The following SCAP variants were observed in gnomAD, a reference collection of about 807,000 sequenced individuals.
SCAP encodes sterol regulatory element-binding protein cleavage-activating protein.
Under a neutral mutation model 123.6 loss-of-function variants are expected in SCAP, and 65 were observed. That is an observed-to-expected ratio of 0.53 (90% CI 0.43 to 0.65). The LOEUF (loss-of-function observed/expected upper bound fraction) is 0.65, where lower values mean the gene tolerates loss of function less well. SCAP is among the 30% of genes least tolerant of loss of function. SCAP has a pLI of 0.00. For synonymous variants in SCAP, 740 were observed against 726.3 expected (o/e 1.02, Z -0.30); for missense variants, 1,398 against 1,712.5 (o/e 0.82, Z 3.24).
At chr3:47,418,562 G>C in intron 14 of SCAP, 40 bp from the exon 15 acceptor site, 1 of 1,560,016 alleles carries the variant, frequency 6.4e-7, no homozygotes, top group African/African-American at 1.4e-5. Flanking sequence ...ACACCTCACA[G>C]CCTGTCCCCT....
At chr3:47,474,188 C>T (rs1048148249) in intron 1 of SCAP, among the ~76,000 whole-genome samples, 2 of 151,874 alleles carry the variant, frequency 1.3e-5, no homozygotes, top group East Asian at 1.9e-4. Flanking sequence ...TCGCTTGAAC[C>T]CGGCAGGCGG....
chr3:47,442,836 C>G, intron 2 of SCAP, 36 bp downstream of exon 2: 1 of 1,595,044 alleles, frequency 6.3e-7, no homozygotes, highest in East Asian at 2.2e-5. Context: ...TCCTAAGACA[C>G]TGGCCCACCA....
At chr3:47,453,827 T>C (rs994903862) in intron 1 of SCAP, among the ~76,000 whole-genome samples, 2 of 152,058 alleles carry the variant, frequency 1.3e-5, no homozygotes, top group Non-Finnish European at 2.9e-5. Context: ...GGCTCTCTCT[T>C]TACTGAATGC....
intron 1 of SCAP, among the ~76,000 whole-genome samples, chr3:47,473,681 C>G (rs1682674197): frequency 6.6e-6 from 1 of 152,200 alleles, no homozygotes; most frequent in African/African-American, 2.4e-5. Flanking sequence ...GAGGCACATT[C>G]ACATGCATGG....
chr3:47,426,679 C>T (rs1228926072), intron 6 of SCAP, among the ~76,000 whole-genome samples: 5 of 152,284 alleles, frequency 3.3e-5, no homozygotes, highest in African/African-American at 9.6e-5. Flanking sequence ...CCTCATGATC[C>T]GCCTGCCTCG....
intron 21 of SCAP, 51 bp downstream of exon 21, chr3:47,414,521 A>G: frequency 6.2e-7 from 1 of 1,609,536 alleles, no homozygotes; most frequent in Non-Finnish European, 8.5e-7. Flanking sequence ...AGGAGTCAGC[A>G]AACATGGGCC....
intron 3 of SCAP, among the ~76,000 whole-genome samples, chr3:47,432,314 G>GAAAAA (rs11308011): frequency 7.9e-5 from 6 of 75,650 alleles, no homozygotes; most frequent in African/African-American, 2.0e-4. Flanking sequence ...ACTCCGTCTT[G>GAAAAA]AAAAAAAAAA....
At chr3:47,428,443 A>G (rs956704140) in intron 4 of SCAP, 70 bp downstream of exon 4, 16 of 1,515,900 alleles carry the variant, frequency 1.1e-5, no homozygotes, top group Admixed American at 1.8e-5. Context: ...CTGCAGTTAC[A>G]CTGAGGACTG....
chr3:47,419,346 T>A lies in SCAP; in HGVS notation c.1922A>T (p.Asn641Ile), dbSNP rs764720864. ...RHWPTLFSYY[N>I]ITLAKRYISL... is the part of the protein sequence containing the mutation. ...AGCTCACCTCTTGGCCAGTGTGATGTTGTAATAGCTGAAGAGCGTCGGCCA... is the reference window on the plus strand; with the variant it reads ...AGCTCACCTCTTGGCCAGTGTGATGATGTAATAGCTGAAGAGCGTCGGCCA... Residue 641 changes from asparagine (N) to isoleucine (I), a missense_variant, in exon 13 of 23, where the codon AAC becomes ATC. Coordinates refer to ENST00000265565, the MANE Select transcript of SCAP (RefSeq NM_012235.4). This position sits in a 1 kb window ranked among gnomAD's most constrained non-coding sequence, Gnocchi z 5.0. 6.2e-7 allele frequency: 1 copy of A among 1,612,092 alleles called. No individual in the cohort carries two copies.
chr3:47,433,588 C>G (rs992170395), intron 3 of SCAP, among the ~76,000 whole-genome samples: 1 of 152,174 alleles, frequency 6.6e-6, no homozygotes, highest in African/African-American at 2.4e-5. Flanking sequence ...TAATGAAGTC[C>G]GGACACAATG....
At chr3:47,430,368 C>G (rs115028044) in intron 3 of SCAP, among the ~76,000 whole-genome samples, 199 of 152,308 alleles carry the variant, frequency 1.3e-3, no homozygotes, top group African/African-American at 4.6e-3. Context: ...ATGCAACCCT[C>G]AGTAACAGGC....
intron 3 of SCAP, among the ~76,000 whole-genome samples, chr3:47,431,625 G>C (rs1706362182): frequency 6.6e-6 from 1 of 152,120 alleles, no homozygotes; most frequent in African/African-American, 2.4e-5. Flanking sequence ...GGATTTGTCT[G>C]ATGTTTTACT....
rs550447495 is a variant in SCAP at position 47,432,669 on chromosome 3, A to T, written c.252+2339T>A. ...CCGAGTCTCCTATTTTCCCTTTTTT[A>T]AAATTTATTTATTTTTTATTTTTTT... On this transcript the variant is annotated intron_variant, in intron 3 of 22. Coordinates refer to ENST00000265565, the MANE Select transcript of SCAP (RefSeq NM_012235.4). Among the ~76,000 whole-genome samples, 149 of 152,154 alleles carry T rather than the reference A, an allele frequency of 9.8e-4. 1 individual carries two copies. The South Asian group carries it at 0.015, about 15-fold the overall frequency.
At chr3:47,465,708 G>A (rs1462227315) in intron 1 of SCAP, among the ~76,000 whole-genome samples, 1 of 151,866 alleles carries the variant, frequency 6.6e-6, no homozygotes, top group Non-Finnish European at 1.5e-5. Context: ...GCTCAAGGCT[G>A]TAGTGAGCAG....
chr3:47,422,385 T>TG (rs1705940697), intron 10 of SCAP, 57 bp downstream of exon 10: 6 of 1,487,168 alleles, frequency 4.0e-6, no homozygotes, highest in Admixed American at 1.7e-5. Flanking sequence ...GCTGCACAGC[T>TG]GGGGAGCACA....
Position 47,435,154 on chromosome 3 carries a change from G to A in SCAP, c.123-17C>T. On this transcript the variant is annotated splice_polypyrimidine_tract_variant and intron_variant, in intron 2 of 22. Coordinates refer to ENST00000265565, the MANE Select transcript of SCAP (RefSeq NM_012235.4). ...AGTGGGTAGCTGGGATGTACAAAAAGGAGATAAGAATTAGACACTATGAGA... is the reference window on the plus strand; with the variant it reads ...AGTGGGTAGCTGGGATGTACAAAAAAGAGATAAGAATTAGACACTATGAGA... 6.2e-7 allele frequency: 1 copy of A among 1,609,506 alleles called. No homozygotes were observed. Among genetic ancestry groups the A allele is most frequent in the East Asian group, 2.2e-5 (1 of 44,842 alleles).
intron 10 of SCAP, among the ~76,000 whole-genome samples, chr3:47,422,211 T>C (rs1037108397): frequency 6.6e-6 from 1 of 152,254 alleles, no homozygotes; most frequent in African/African-American, 2.4e-5. Context: ...AGAGTCTGCC[T>C]GGCTAGGTGC....
rs773389011 is a variant in SCAP at position 47,418,810 on chromosome 3, C to T, written c.1974G>A (p.Thr658=). The T allele has an allele frequency of 8.4e-6, 13 of 1,539,424 alleles. No homozygotes were observed. The highest frequency in any genetic ancestry group is 2.8e-5 in the African/African-American group (2 of 72,110). Residue 658 remains threonine, a synonymous_variant, in exon 14 of 23, where the codon ACG becomes ACA. Transcript: ENST00000265565. ...GAGCCTCCCTCGGGTTCAGGCGGAG[C>T]GTGACTGGGATGACGGGCAGCAGGC... The part of the protein sequence containing the change: ...YISLLPVIPV[T]LRLNPREALE...
chr3:47,436,123 T>G (rs1027877048), intron 2 of SCAP, among the ~76,000 whole-genome samples: 1 of 151,952 alleles, frequency 6.6e-6, no homozygotes, highest in Non-Finnish European at 1.5e-5. Context: ...CTTGCCAAAT[T>G]AGATATAAGG....
Sources: allele counts gnomAD v4.1 joint callset (sites outside exome capture counted in the v4.1 genomes callset), GRCh38; gene constraint gnomAD v4.1.1; non-coding constraint Gnocchi (gnomAD v3.1); transcripts MANE v1.5; gene names NCBI Gene and HGNC (gene_info 2026-07-23, HGNC 2026-07-21).